The following LRP2 variants were observed in gnomAD, a reference collection of about 807,000 sequenced individuals.
LRP2 encodes the protein LDL receptor related protein 2.
In LRP2, 172 loss-of-function variants were observed where a neutral mutation model predicts 531.0. The observed-to-expected ratio is 0.32, with a 90% confidence interval of 0.29 to 0.37. The LOEUF (loss-of-function observed/expected upper bound fraction) is 0.37. Ranked by LOEUF, LRP2 falls within the 10% of genes least tolerant of loss-of-function variation. LRP2 has a pLI of 1.00. For missense variants in LRP2, 5,167 were observed against 5,868.3 expected (o/e 0.88, Z 3.90); for synonymous variants, 1,992 against 2,027.6 (o/e 0.98, Z 0.47).
At chr2:169,286,645 G>A (rs1393429493) in intron 9 of LRP2, among the ~76,000 whole-genome samples, 1 of 152,176 alleles carries the variant, frequency 6.6e-6, no homozygotes, top group Non-Finnish European at 1.5e-5. Flanking sequence ...AGACTTATAT[G>A]TTGGAAAATA....
chr2:169,179,441 CT>C (rs1328962928), intron 52 of LRP2, among the ~76,000 whole-genome samples: 1 of 152,000 alleles, frequency 6.6e-6, no homozygotes, highest in Non-Finnish European at 1.5e-5. Context: ...AACTACACAG[CT>C]GGGTGCAGTG....
intron 9 of LRP2, among the ~76,000 whole-genome samples, chr2:169,283,693 T>G (rs957699009): frequency 6.6e-6 from 1 of 152,218 alleles, no homozygotes; most frequent in African/African-American, 2.4e-5. Flanking sequence ...GAACTTATTT[T>G]CAAGACATCA....
intron 1 of LRP2, among the ~76,000 whole-genome samples, chr2:169,361,350 G>GTCTCTCTCTGTCTCTCTCTCTCTC (rs1559092778): frequency 1.8e-4 from 4 of 21,966 alleles, no homozygotes; most frequent in Admixed American, 5.0e-4. Context: ...GTCTCTCTCT[G>GTCTCTCTCTGTCTCTCTCTCTCTC]TCTCTCTCTC....
intron 1 of LRP2, among the ~76,000 whole-genome samples, chr2:169,345,167 T>C (rs770465403): frequency 9.2e-5 from 14 of 152,184 alleles, no homozygotes; most frequent in Non-Finnish European, 1.9e-4. Flanking sequence ...AAGGGGTAAA[T>C]CGTTAAATAA....
At chr2:169,137,559 C>G (rs1200426857) in intron 75 of LRP2, 66 bp from the exon 76 acceptor site, 1 of 913,630 alleles carries the variant, frequency 1.1e-6, no homozygotes, top group Non-Finnish European at 1.7e-6. Flanking sequence ...TTACACCATA[C>G]TAATCTGGTT....
intron 68 of LRP2, among the ~76,000 whole-genome samples, chr2:169,148,000 A>C (rs560089676): frequency 1.1e-4 from 17 of 152,182 alleles, no homozygotes; most frequent in Non-Finnish European, 1.9e-4. Flanking sequence ...TATGGGCCAT[A>C]TTTGGCCCAC....
In LRP2 at chr2:169,165,311, C is replaced by T. The variant is rs115781523; in HGVS notation, c.11758+621G>A. Among the ~76,000 whole-genome samples, 949 of 152,334 alleles carry T rather than the reference C, an allele frequency of 6.2e-3. 12 individuals are homozygous for T. Among genetic ancestry groups the T allele is most frequent in the African/African-American group, 0.02 (839 of 41,574 alleles). ...CAGAAAATTGGTCAACTTTCCCCTTCAATGGATAGATTTTAAAACATTTTG... is the reference window on the plus strand; with the variant it reads ...CAGAAAATTGGTCAACTTTCCCCTTTAATGGATAGATTTTAAAACATTTTG... On this transcript the variant is annotated intron_variant, in intron 62 of 78. Coordinates refer to ENST00000649046, the MANE Select transcript of LRP2 (RefSeq NM_004525.3).
chr2:169,231,502 T>C (rs998004369), intron 31 of LRP2, among the ~76,000 whole-genome samples: 6 of 152,092 alleles, frequency 3.9e-5, no homozygotes, highest in Admixed American at 3.9e-4. Flanking sequence ...TTCAATTACA[T>C]GCACAGATAA....
At chr2:169,265,043 C>T (rs963508032) in intron 16 of LRP2, among the ~76,000 whole-genome samples, 1 of 151,838 alleles carries the variant, frequency 6.6e-6, no homozygotes, top group Non-Finnish European at 1.5e-5. Context: ...CCACATCTTC[C>T]CCTTACCCCA....
intron 65 of LRP2, among the ~76,000 whole-genome samples, chr2:169,155,510 C>T (rs1485846034): frequency 2.0e-5 from 3 of 152,088 alleles, no homozygotes; most frequent in Non-Finnish European, 4.4e-5. Flanking sequence ...GCCATTTTGG[C>T]CATTTACTCT....
rs374441177 is a variant in LRP2, at chr2:169,231,325, GA to G, written c.5227+388del. ...AAAAAAAAAAGAAAGAAAGAAAAAA[GA>G]AAAAAAAAAGAGGGAGAAAGAGACA... On this transcript the variant is annotated intron_variant, in intron 31 of 78. Coordinates refer to ENST00000649046, the MANE Select transcript of LRP2 (RefSeq NM_004525.3). 6.3e-3 allele frequency among the ~76,000 whole-genome samples: 869 copies of G among 138,394 alleles called. 7 individuals carry two copies. The highest frequency in any genetic ancestry group is 0.022 in the African/African-American group (819 of 37,498). The allele number at this position is 138,394 out of a possible 152,430, so 90.8% of individuals were successfully genotyped here. A position where few individuals can be genotyped will look rare whatever the true frequency, so the allele number is the denominator to read the frequency against.
intron 49 of LRP2, 43 bp downstream of exon 49, chr2:169,187,927 A>T: frequency 1.3e-6 from 2 of 1,598,226 alleles, no homozygotes; most frequent in Non-Finnish European, 1.7e-6. Context: ...ATCCATATTC[A>T]GTCTCCCCTG....
chr2:169,309,366 T>G (rs1331068595), intron 3 of LRP2, among the ~76,000 whole-genome samples: 3 of 152,200 alleles, frequency 2.0e-5, no homozygotes, highest in African/African-American at 7.2e-5. Context: ...GGTCTGACAT[T>G]TAAGTCTTTA....
chr2:169,335,571 T>C (rs1017598254), intron 1 of LRP2, among the ~76,000 whole-genome samples: 2 of 152,156 alleles, frequency 1.3e-5, no homozygotes, highest in African/African-American at 4.8e-5. Flanking sequence ...CCCCAGCACT[T>C]TGGGAGGCCA....
chr2:169,338,888 T>A (rs1685491831), intron 1 of LRP2, among the ~76,000 whole-genome samples: 1 of 152,224 alleles, frequency 6.6e-6, no homozygotes, highest in Non-Finnish European at 1.5e-5. Context: ...TCTTACTAAC[T>A]ATCTGACAGC....
chr2:169,221,836 C>T (rs1474951634), intron 33 of LRP2, among the ~76,000 whole-genome samples: 1 of 152,144 alleles, frequency 6.6e-6, no homozygotes, highest in Non-Finnish European at 1.5e-5. Context: ...TACAATCTCT[C>T]TCCTTTTCCT....
chr2:169,326,831 C>G (rs1165208357), intron 1 of LRP2, among the ~76,000 whole-genome samples: 1 of 151,180 alleles, frequency 6.6e-6, no homozygotes, highest in Non-Finnish European at 1.5e-5. Context: ...GCCCGGCCGC[C>G]CATCGTCTGA....
Position 169,279,670 on chromosome 2 carries a change from A to C in LRP2, c.1342-75T>G, listed in dbSNP as rs12991585. On this transcript the variant is annotated intron_variant, in intron 11 of 78. Coordinates refer to ENST00000649046, the MANE Select transcript of LRP2 (RefSeq NM_004525.3). ...TGGTTTGTTTTGATTTTTTTTAGCT[A>C]TAATCAAATCAGAAGTGCTAAAAAT... 51,830 of 900,238 alleles carry C rather than the reference A, an allele frequency of 0.058. 1,737 individuals carry two copies. Among genetic ancestry groups the C allele is most frequent in the Middle Eastern group, 0.071 (238 of 3,362 alleles). 55.8% of individuals were successfully genotyped at this position (900,238 alleles called of 1,614,324 possible).
intron 1 of LRP2, among the ~76,000 whole-genome samples, chr2:169,328,873 GC>G (rs1304597172): frequency 6.6e-6 from 1 of 152,160 alleles, no homozygotes; most frequent in Non-Finnish European, 1.5e-5. Flanking sequence ...CCCAGAACTT[GC>G]CAGCAATATT....
Sources: allele counts gnomAD v4.1 joint callset (sites outside exome capture counted in the v4.1 genomes callset), GRCh38; gene constraint gnomAD v4.1.1; transcripts MANE v1.5; gene names NCBI Gene and HGNC (gene_info 2026-07-23, HGNC 2026-07-21).